STRBP: variants seen among roughly 807,000 people sequenced by gnomAD.
STRBP encodes spermatid perinuclear RNA-binding protein.
Under a neutral mutation model 80.1 loss-of-function variants are expected in STRBP, and 13 were observed. The observed-to-expected ratio is 0.16, with a 90% CI of 0.11 to 0.26. STRBP has a LOEUF of 0.26. STRBP is among the 10% of genes least tolerant of loss of function. STRBP has a pLI of 1.00. For missense variants in STRBP, 485 were observed against 815.2 expected (o/e 0.59, Z 4.93); for synonymous variants, 284 against 291.2 (o/e 0.98, Z 0.25).
intron 17 of STRBP, among the ~76,000 whole-genome samples, chr9:123,130,131 T>A (rs1372480957): frequency 6.6e-6 from 1 of 152,154 alleles, no homozygotes; most frequent in African/African-American, 2.4e-5. Context: ...TAACTTCACC[T>A]TTTCCTAGCA....
At chr9:123,166,818 C>T (rs2037786110) in intron 6 of STRBP, among the ~76,000 whole-genome samples, 4 of 152,106 alleles carry the variant, frequency 2.6e-5, no homozygotes, top group Admixed American at 2.6e-4. Context: ...CGAAAGACTG[C>T]TGCACACCAA....
intron 1 of STRBP, among the ~76,000 whole-genome samples, chr9:123,260,995 A>G (rs1371957627): frequency 6.6e-6 from 1 of 152,238 alleles, no homozygotes; most frequent in Non-Finnish European, 1.5e-5. Context: ...TTAATCTTCA[A>G]TATAACTCTG....
At position 123,115,412 on chromosome 9, in the gene STRBP, G is replaced by A. The variant is rs533646005; in HGVS notation, c.*84+517C>T. 2.1e-6 allele frequency: 1 copy of A among 470,826 alleles called. No homozygotes were observed. The highest frequency in any genetic ancestry group is 2.0e-5 in the African/African-American group (1 of 50,208). The allele number at this position is 470,826 out of a possible 1,614,324, so 29.2% of individuals were successfully genotyped here. A position where few individuals can be genotyped will look rare whatever the true frequency, so the allele number is the denominator to read the frequency against. On this transcript the variant is annotated intron_variant and NMD_transcript_variant, in intron 3 of 3. Coordinates refer to the STRBP transcript ENST00000471564. The surrounding 1 kb of genome is among the most constrained non-coding windows in gnomAD (Gnocchi z 5.0). The stretch of plus-strand genomic sequence containing the variant: ...AAGGAGGATCCCTAGCAGGGAGGGG[G>A]AGACCCACTGAAGCCTTTCTCCCTG...
At chr9:123,111,610 C>A in intron 3 of STRBP, 1 of 477,948 alleles carries the variant, frequency 2.1e-6, no homozygotes, top group East Asian at 6.3e-5. Flanking sequence ...AGACAAGAGC[C>A]TTCCTATGAA....
chr9:123,237,376 A>C (rs2132596229), intron 1 of STRBP, among the ~76,000 whole-genome samples: 1 of 152,278 alleles, frequency 6.6e-6, no homozygotes, highest in South Asian at 2.1e-4. Flanking sequence ...CACTGATGAA[A>C]TACTCAAAAT....
intron 2 of STRBP, among the ~76,000 whole-genome samples, chr9:123,205,263 C>T (rs1214313787): frequency 6.6e-6 from 1 of 152,180 alleles, no homozygotes; most frequent in Non-Finnish European, 1.5e-5. Flanking sequence ...AAAACTCTGT[C>T]TCAAAAACAA....
chr9:123,161,505 C>G (rs545205274), intron 6 of STRBP, among the ~76,000 whole-genome samples: 30 of 152,108 alleles, frequency 2.0e-4, no homozygotes, highest in Admixed American at 7.9e-4. Context: ...TTAAGGAAAA[C>G]TGGAAATCAA....
intron 11 of STRBP, among the ~76,000 whole-genome samples, chr9:123,151,420 C>T (rs957332840): frequency 1.3e-5 from 2 of 152,070 alleles, no homozygotes; most frequent in African/African-American, 4.8e-5. Flanking sequence ...GAGCAAAAAA[C>T]GACCATGTGC....
intron 4 of STRBP, among the ~76,000 whole-genome samples, chr9:123,177,871 CTATT>C (rs2038288614): frequency 1.3e-5 from 2 of 152,270 alleles, no homozygotes; most frequent in South Asian, 2.1e-4. Context: ...GAATACGTGA[CTATT>C]TAACTTGCAC....
Position 123,177,836 on chromosome 9 carries a change from TG to T in STRBP, c.224+1170del, listed in dbSNP as rs547940157. On this transcript the variant is annotated intron_variant, in intron 4 of 18. Transcript: ENST00000348403. ...AAAAATTTTTAACATGACATAAACA[TG>T]TAGCAAAGTGCAACTTAAATCTGGA... 9.2e-5 allele frequency among the ~76,000 whole-genome samples: 14 copies of T among 152,302 alleles called. No homozygotes were observed. The South Asian group carries it at 2.9e-3, about 32-fold the overall frequency.
intron 2 of STRBP, among the ~76,000 whole-genome samples, chr9:123,199,487 C>G (rs531198959): frequency 5.3e-5 from 8 of 152,172 alleles, no homozygotes; most frequent in Non-Finnish European, 1.2e-4. Context: ...GTCATTTTCA[C>G]AATATTGATT....
At position 123,126,756 on chromosome 9, in the gene STRBP, G is replaced by C. The variant is rs77013493; in HGVS notation, c.1943-1083C>G. Among the ~76,000 whole-genome samples, 1,633 of 152,258 alleles carry C rather than the reference G, an allele frequency of 0.011. 7 individuals carry two copies. Among genetic ancestry groups the C allele is most frequent in the Admixed American group, 0.016 (239 of 15,282 alleles). ...ATCTGCCCCAAGCGGCAGATGTTTT[G>C]GCACTTATACAAGACATAGTACAGT... On this transcript the variant is annotated intron_variant, in intron 18 of 18. Coordinates refer to ENST00000348403, the MANE Select transcript of STRBP (RefSeq NM_018387.5). The surrounding 1 kb of genome is among the most constrained non-coding windows in gnomAD (Gnocchi z 4.4).
chr9:123,156,921 G>A (rs1254455389), intron 11 of STRBP, among the ~76,000 whole-genome samples: 2 of 152,006 alleles, frequency 1.3e-5, no homozygotes, highest in Non-Finnish European at 2.9e-5. Flanking sequence ...GAGAAAGGGA[G>A]GGAAAAAAAA....
chr9:123,234,996 T>G lies in STRBP; in HGVS notation c.-165+1834A>C, dbSNP rs868362868. On this transcript the variant is annotated intron_variant, in intron 2 of 18. Coordinates refer to ENST00000348403, the MANE Select transcript of STRBP (RefSeq NM_018387.5). ...GTATCTGTTCAACTGGCTTTTTTTT[T>G]GGGGGGGGGGGGTACTGGGTATTCA... Among the ~76,000 whole-genome samples, 614 of 123,646 alleles carry G rather than the reference T, an allele frequency of 5.0e-3. 7 individuals carry two copies. The highest frequency in any genetic ancestry group is 0.034 in the South Asian group (126 of 3,718). 81.1% of individuals were successfully genotyped at this position (123,646 alleles called of 152,430 possible).
chr9:123,205,961 G>A (rs1182063561), intron 2 of STRBP, among the ~76,000 whole-genome samples: 1 of 152,134 alleles, frequency 6.6e-6, no homozygotes, highest in African/African-American at 2.4e-5. Flanking sequence ...AAGTAATTTG[G>A]AGATAACGGA....
chr9:123,197,628 T>C (rs1216022246), intron 2 of STRBP, among the ~76,000 whole-genome samples: 5 of 150,230 alleles, frequency 3.3e-5, no homozygotes, highest in African/African-American at 7.3e-5. Flanking sequence ...CTTAGAATAA[T>C]GGCCTCTAGC....
At chr9:123,204,880 C>T (rs1470944104) in intron 2 of STRBP, among the ~76,000 whole-genome samples, 4 of 140,226 alleles carry the variant, frequency 2.9e-5, no homozygotes, top group African/African-American at 5.5e-5. Context: ...GCCGAGACTG[C>T]GCCACTGCAC....
At chr9:123,257,317 G>A (rs976103741) in intron 1 of STRBP, among the ~76,000 whole-genome samples, 1 of 151,666 alleles carries the variant, frequency 6.6e-6, no homozygotes, top group African/African-American at 2.4e-5. Flanking sequence ...ACACACCCTC[G>A]CTGAAATCGC....
chr9:123,187,751 C>CCACCACCCACCACA (rs1305720463), intron 2 of STRBP, among the ~76,000 whole-genome samples: 2 of 124,874 alleles, frequency 1.6e-5, no homozygotes, highest in African/African-American at 6.7e-5. Flanking sequence ...CCTCTTCTCC[C>CCACCACCCACCACA]CACCACCCAC....
Sources: gnomAD v4.1 joint callset for allele counts (sites outside exome capture counted in the v4.1 genomes callset) on GRCh38, gnomAD v4.1.1 for gene constraint, Gnocchi (gnomAD v3.1) non-coding constraint, MANE v1.5 for transcripts, NCBI Gene and HGNC (gene_info 2026-07-23, HGNC 2026-07-21) for gene names.